Variants in BEND7 observed in about 807,000 individuals in gnomAD.
The protein encoded by BEND7 is BEN domain-containing protein 7.
In BEND7, 28 loss-of-function variants were observed where a neutral mutation model predicts 50.9. The observed-to-expected ratio is 0.55, with a 90% CI of 0.41 to 0.75. BEND7 has a LOEUF of 0.75. Among genes scored for constraint, BEND7 ranks in the 30% least tolerant of loss-of-function variants. BEND7 has a pLI of 0.00. For synonymous variants in BEND7, 170 were observed against 183.9 expected, an observed-to-expected ratio of 0.92 and a Z score of 0.61; for missense variants, 477 against 491.3, an observed-to-expected ratio of 0.97 and a Z score of 0.28.
At chr10:13,520,087 T>A (rs1037712620) in intron 2 of BEND7, among the ~76,000 whole-genome samples, 3 of 152,192 alleles carry the variant, frequency 2.0e-5, no homozygotes, top group Non-Finnish European at 4.4e-5. Flanking sequence ...GGAAAGATCG[T>A]GGCCAGGCCA....
At chr10:13,514,727 T>C (rs1178483854) in intron 2 of BEND7, among the ~76,000 whole-genome samples, 1 of 152,178 alleles carries the variant, frequency 6.6e-6, no homozygotes, top group Non-Finnish European at 1.5e-5. Flanking sequence ...CTCAGGCACA[T>C]TGCATGCTGT....
chr10:13,438,896 G>A (rs1007708233), downstream of BEND7: 2 of 392,738 alleles, frequency 5.1e-6, no homozygotes, highest in African/African-American at 4.1e-5. Context: ...CTGTGATAAA[G>A]GCTCTGGGTT....
intron 6 of BEND7, among the ~76,000 whole-genome samples, chr10:13,454,769 C>T (rs755222379): frequency 1.3e-5 from 2 of 152,178 alleles, no homozygotes; most frequent in Non-Finnish European, 2.9e-5. Context: ...GACGTGGAAC[C>T]TGCAGACAAG....
intron 2 of BEND7, among the ~76,000 whole-genome samples, chr10:13,518,921 G>A (rs2078888232): frequency 6.6e-6 from 1 of 152,184 alleles, no homozygotes; most frequent in Admixed American, 6.5e-5. Flanking sequence ...CATTGTGCTA[G>A]GTTCTCAAAG....
intron 6 of BEND7, among the ~76,000 whole-genome samples, chr10:13,454,173 G>A (rs886542445): frequency 1.3e-5 from 2 of 152,158 alleles, no homozygotes; most frequent in African/African-American, 2.4e-5. Flanking sequence ...AGAAAGGGAA[G>A]GTGTGTGAGC....
intron 7 of BEND7, among the ~76,000 whole-genome samples, chr10:13,451,269 G>C (rs560716016): frequency 6.6e-6 from 1 of 151,484 alleles, no homozygotes; most frequent in Admixed American, 6.6e-5. Flanking sequence ...GCTCACTGCA[G>C]CCTCAAACTC....
intron 6 of BEND7, among the ~76,000 whole-genome samples, chr10:13,455,618 G>C (rs939756132): frequency 1.2e-4 from 19 of 152,158 alleles, no homozygotes; most frequent in African/African-American, 4.3e-4. Flanking sequence ...ACAGGATACA[G>C]GGAGAAGGAG....
At chr10:13,446,389 C>T (rs1463867381) in intron 8 of BEND7, 2 of 152,208 alleles carry the variant, frequency 1.3e-5, no homozygotes, top group East Asian at 1.9e-4. Context: ...AGAGACTCCA[C>T]TAATATTTGC....
chr10:13,498,284 C>T (rs1355866284), intron 3 of BEND7, among the ~76,000 whole-genome samples: 1 of 152,002 alleles, frequency 6.6e-6, no homozygotes, highest in Non-Finnish European at 1.5e-5. Context: ...GCCATGTTGG[C>T]CAGGCTGGTC....
At chr10:13,457,021 C>T (rs1254328510) in intron 6 of BEND7, among the ~76,000 whole-genome samples, 4 of 152,124 alleles carry the variant, frequency 2.6e-5, no homozygotes, top group Non-Finnish European at 2.9e-5. Context: ...GCATCCTATT[C>T]GTTTATAGAA....
chr10:13,499,034 G>A (rs2077245073), intron 3 of BEND7, among the ~76,000 whole-genome samples: 2 of 151,958 alleles, frequency 1.3e-5, no homozygotes, highest in African/African-American at 4.8e-5. Flanking sequence ...CCTTTTTCTT[G>A]TTCTCTTTGT....
chr10:13,483,567 G>T (rs1049312987), intron 5 of BEND7, among the ~76,000 whole-genome samples: 1 of 152,190 alleles, frequency 6.6e-6, no homozygotes, highest in Non-Finnish European at 1.5e-5. Context: ...TTGAAAGTTT[G>T]CCACGCTGTG....
At chr10:13,507,366 C>T (rs2077973254) in intron 2 of BEND7, among the ~76,000 whole-genome samples, 1 of 152,118 alleles carries the variant, frequency 6.6e-6, no homozygotes, top group African/African-American at 2.4e-5. Flanking sequence ...CGGTGACTTA[C>T]CTGAGCAGAA....
intron 5 of BEND7, among the ~76,000 whole-genome samples, chr10:13,483,999 A>G (rs2076049295): frequency 6.6e-6 from 1 of 152,198 alleles, no homozygotes; most frequent in Non-Finnish European, 1.5e-5. Context: ...TCCAATGCAG[A>G]TGCTGTCACT....
intron 6 of BEND7, among the ~76,000 whole-genome samples, chr10:13,468,954 C>T (rs1350364118): frequency 1.3e-5 from 2 of 152,230 alleles, no homozygotes; most frequent in Non-Finnish European, 2.9e-5. Flanking sequence ...AAGAGGCCAG[C>T]ACAGGCCCCA....
At chr10:13,460,491 C>G (rs1326168503) in intron 6 of BEND7, among the ~76,000 whole-genome samples, 1 of 152,198 alleles carries the variant, frequency 6.6e-6, no homozygotes, top group Non-Finnish European at 1.5e-5. Context: ...CCTTGGACTC[C>G]TGGCCTCAAG....
At chr10:13,516,221 C>T (rs751515465) in intron 2 of BEND7, among the ~76,000 whole-genome samples, 1 of 152,162 alleles carries the variant, frequency 6.6e-6, no homozygotes, top group African/African-American at 2.4e-5. Flanking sequence ...TAAAAGATCA[C>T]GGAGGCAAAG....
At chr10:13,496,725 T>C in intron 4 of BEND7, 41 bp downstream of exon 4, 1 of 1,593,376 alleles carries the variant, frequency 6.3e-7, no homozygotes, top group South Asian at 1.1e-5. Context: ...CAGATATGCA[T>C]TAAAAATCAA....
At chr10:13,485,794 T>C (rs2076184732) in intron 5 of BEND7, among the ~76,000 whole-genome samples, 1 of 152,250 alleles carries the variant, frequency 6.6e-6, no homozygotes, top group Non-Finnish European at 1.5e-5. Flanking sequence ...TGCTTCTGTC[T>C]GATAAAAACT....
Sources: allele counts gnomAD v4.1 joint callset (sites outside exome capture counted in the v4.1 genomes callset), GRCh38; gene constraint gnomAD v4.1.1; transcripts MANE v1.5; gene names NCBI Gene and HGNC (gene_info 2026-07-23, HGNC 2026-07-21).